Variants in MSH6 observed in about 807,000 individuals in gnomAD.
MSH6 encodes mutS homolog 6.
Under a neutral mutation model 119.1 loss-of-function variants are expected in MSH6, and 85 were observed. The ratio of observed to expected loss-of-function variants is 0.71; its 90% confidence interval spans 0.60 to 0.85. The LOEUF is 0.85. MSH6 is among the 40% of genes least tolerant of loss of function. MSH6 has a pLI of 0.00. For missense variants in MSH6, 2,163 were observed against 1,655.3 expected (o/e 1.31, Z -5.32); for synonymous variants, 830 against 586.9 (o/e 1.41, Z -5.99).
intron 2 of MSH6, among the ~76,000 whole-genome samples, chr2:47,795,462 A>ATT (rs374584843): frequency 0.14 from 16,468 of 117,014 alleles, 1,493 homozygotes; most frequent in Non-Finnish European, 0.2. Context: ...ACATATATAC[A>ATT]TTTTTTTTTT....
chr2:47,803,427 A>C lies in MSH6; in HGVS notation c.3180A>C (p.Leu1060Phe), dbSNP rs1553331248. Residue 1060 changes from leucine to phenylalanine, a missense_variant, in exon 5 of 10, where the codon TTA (leucine) becomes TTC (phenylalanine). Coordinates refer to ENST00000234420, the MANE Select transcript of MSH6 (RefSeq NM_000179.3). ...TACCCTCTCTTTTAACAGATGTTTT[A>C]CTGTGCCTGGCTAACTATAGTCGAG... The part of the protein sequence containing the change: ...AVECIAVLDV[L>F]LCLANYSRGG... The C allele has an allele frequency of 6.2e-7, 1 of 1,614,122 alleles. No homozygotes were observed. Among genetic ancestry groups the C allele is most frequent in the African/African-American group, 1.3e-5 (1 of 75,004 alleles).
intron 1 of MSH6, among the ~76,000 whole-genome samples, chr2:47,787,688 T>C (rs1213355947): frequency 6.6e-6 from 1 of 151,108 alleles, no homozygotes; most frequent in Non-Finnish European, 1.5e-5. Flanking sequence ...CAGATCTCGG[T>C]TCACTGCACC....
rs1278591662 is a variant in MSH6, at chr2:47,799,059, G to C, written c.1076G>C (p.Ser359Thr). 2 of 1,614,190 alleles carry C rather than the reference G, an allele frequency of 1.2e-6. No homozygotes were observed. The highest frequency in any genetic ancestry group is 1.1e-5 in the South Asian group (1 of 91,088). The change falls in exon 4 of 10, where the codon AGT becomes ACT. Residue 359 changes from serine to threonine, a missense_variant. Coordinates refer to ENST00000234420, the MANE Select transcript of MSH6 (RefSeq NM_000179.3). The stretch of plus-strand genomic sequence containing the variant: ...CACGTTAGTGGAGGTGGTGATGACA[G>C]TAGTCGCCCTACTGTTTGGTATCAT... ...QAHVSGGGDD[S>T]SRPTVWYHET...
chr2:47,792,118 T>C (rs1668765862), intron 2 of MSH6, among the ~76,000 whole-genome samples: 1 of 152,100 alleles, frequency 6.6e-6, no homozygotes, highest in African/African-American at 2.4e-5. Flanking sequence ...AGTGCTGGGA[T>C]TATAGGCGTG....
chr2:47,801,383 T>TTTTG, intron 4 of MSH6: 1 of 495,480 alleles, frequency 2.0e-6, no homozygotes, highest in Non-Finnish European at 3.5e-6. Flanking sequence ...TTTTTTTTTT[T>TTTTG]TTTGAGACAT....
Position 47,783,352 on chromosome 2 carries a change from C to T in MSH6, c.119C>T (p.Ala40Val), listed in dbSNP as rs757957751. Residue 40 changes from alanine to valine, a missense_variant, in exon 1 of 10, where the codon GCC (alanine) becomes GTC (valine). By Grantham distance (64) the Ala-to-Val change is moderately conservative (BLOSUM62 0). Coordinates refer to ENST00000234420, the MANE Select transcript of MSH6 (RefSeq NM_000179.3). ...EGGRAAAAPG[A>V]SPSPGGDAAW... ...GGCCGTGCCGCCGCTGCCCCCGGGGCCTCTCCTTCCCCAGGCGGGGATGCG... is the reference window on the plus strand; with the variant it reads ...GGCCGTGCCGCCGCTGCCCCCGGGGTCTCTCCTTCCCCAGGCGGGGATGCG... 1 of 1,607,826 alleles carries T rather than the reference C, an allele frequency of 6.2e-7. No individual in the cohort carries two copies. Among genetic ancestry groups the T allele is most frequent in the African/African-American group, 1.3e-5 (1 of 74,538 alleles).
chr2:47,806,998 T>TTATC (rs1670251836), downstream of MSH6: 9 of 707,314 alleles, frequency 1.3e-5, no homozygotes, highest in African/African-American at 3.6e-5. Context: ...CTTTTAATTC[T>TTATC]TATCTACCTT....
chr2:47,791,943 T>A (rs1668755518), intron 2 of MSH6, among the ~76,000 whole-genome samples: 1 of 151,842 alleles, frequency 6.6e-6, no homozygotes, highest in Non-Finnish European at 1.5e-5. Flanking sequence ...ACCTCCCGGG[T>A]TCAGGTGATT....
At chr2:47,806,673 A>AATT (rs1670164778) in intron 9 of MSH6, 22 bp downstream of exon 9, 1 of 1,589,430 alleles carries the variant, frequency 6.3e-7, no homozygotes, top group South Asian at 1.1e-5. Flanking sequence ...ACTATAATGG[A>AATT]ATTATAACTA....
chr2:47,790,872 T>C, intron 1 of MSH6, 55 bp from the exon 2 acceptor site: 1 of 1,547,148 alleles, frequency 6.5e-7, no homozygotes, highest in East Asian at 2.2e-5. Context: ...GGTAACTGCC[T>C]TTAAGGAAAC....
In MSH6 at chr2:47,806,692, T is replaced by TAAG. The variant is rs926031657; in HGVS notation, c.4001+42_4001+44dup. On this transcript the variant is annotated intron_variant, in intron 9 of 9. Coordinates refer to ENST00000234420, the MANE Select transcript of MSH6 (RefSeq NM_000179.3). The stretch of plus-strand genomic sequence containing the variant: ...TAATGGAATTATAACTAACTGACCT[T>TAAG]AAGTTTCAAAGAAACAGTAAAAGGG... The TAAG allele has an allele frequency of 6.3e-7, 1 of 1,590,170 alleles. No homozygotes were observed. The highest frequency in any genetic ancestry group is 1.7e-5 in the Admixed American group (1 of 59,600).
At chr2:47,794,920 G>A (rs1013176127) in intron 2 of MSH6, among the ~76,000 whole-genome samples, 5 of 151,590 alleles carry the variant, frequency 3.3e-5, no homozygotes, top group African/African-American at 7.3e-5. Context: ...TCAGCCTCCC[G>A]AGTAGCTAGG....
At chr2:47,809,058 A>G (rs1425542494), downstream of MSH6, 19 of 674,218 alleles carry the variant, frequency 2.8e-5, no homozygotes, top group Non-Finnish European at 3.8e-5. Flanking sequence ...AGTTAGTTAT[A>G]GTCTCAACAC....
At position 47,801,090 on chromosome 2, in the gene MSH6, T is replaced by A. The variant is rs748211741; in HGVS notation, c.3107T>A (p.Leu1036Gln). Reference protein sequence around the residue: ...DVSLKDCMRRLFYNFDKNYKD... With the variant: ...DVSLKDCMRRQFYNFDKNYKD... Reference sequence around the variant, plus strand: ...TCATTGAAGGACTGCATGCGGCGACTGTTCTATAACTTTGATAAAAATTAC... The same window carrying A: ...TCATTGAAGGACTGCATGCGGCGACAGTTCTATAACTTTGATAAAAATTAC... Residue 1036 changes from leucine to glutamine, a missense_variant, in exon 4 of 10, where the codon CTG (leucine) becomes CAG (glutamine). By Grantham distance (113) the Leu-to-Gln change is moderately radical (BLOSUM62 -2). Transcript: ENST00000234420. The A allele has an allele frequency of 6.2e-7, 1 of 1,611,492 alleles. No homozygotes were observed.
chr2:47,807,124 A>C (rs1670265676), downstream of MSH6: 1 of 467,932 alleles, frequency 2.1e-6, no homozygotes. Context: ...ATGGGGGAGG[A>C]AAAGCTATGA....
chr2:47,800,586 T>C lies in MSH6; in HGVS notation c.2603T>C (p.Met868Thr), dbSNP rs780280765. 3.7e-6 allele frequency: 6 copies of C among 1,613,926 alleles called. No individual in the cohort carries two copies. Among genetic ancestry groups the C allele is most frequent in the Admixed American group, 1.7e-5 (1 of 59,986 alleles). The change falls in exon 4 of 10, where the codon ATG becomes ACG. Residue 868 changes from methionine to threonine, a missense_variant. Met to Thr is a moderately conservative substitution (Grantham distance 81). Transcript: ENST00000234420. ...FLSALEGFKV[M>T]CKIIGIMEEV... ...TCTGCTCTGGAAGGATTCAAAGTAA[T>C]GTGTAAAATTATAGGGATCATGGAA... is the stretch of plus-strand genomic sequence containing the variant.
At chr2:47,804,589 G>T (rs1669839908) in intron 5 of MSH6, among the ~76,000 whole-genome samples, 1 of 151,692 alleles carries the variant, frequency 6.6e-6, no homozygotes, top group Non-Finnish European at 1.5e-5. Flanking sequence ...TCACTTGATT[G>T]GAATTGATTC....
intron 2 of MSH6, among the ~76,000 whole-genome samples, chr2:47,792,359 C>T (rs2104142974): frequency 6.6e-6 from 1 of 152,240 alleles, no homozygotes. Flanking sequence ...CGTCATAGTG[C>T]TCATCCTACA....
chr2:47,783,191 G>A lies in MSH6; in HGVS notation c.-43G>A. The A allele has an allele frequency of 6.2e-7, 1 of 1,607,896 alleles. No individual in the cohort carries two copies. On this transcript the variant is annotated 5_prime_UTR_variant, in exon 1 of 10. Transcript: ENST00000234420. ...CGCGCGGTAGATGCGGTGCTTTTAG[G>A]AGCTCCGTCCGACAGAACGGTTGGG...
Sources: allele counts gnomAD v4.1 joint callset (sites outside exome capture counted in the v4.1 genomes callset), GRCh38; gene constraint gnomAD v4.1.1; transcripts MANE v1.5; gene names NCBI Gene and HGNC (gene_info 2026-07-23, HGNC 2026-07-21).